The following NRXN3 variants were observed in gnomAD, a reference collection of about 807,000 sequenced individuals.
NRXN3 encodes neurexin III.
NRXN3 carries 32 observed loss-of-function variants against 137.6 expected under a neutral mutation model. That is an observed-to-expected ratio of 0.23 (90% CI 0.18 to 0.31). The LOEUF (loss-of-function observed/expected upper bound fraction) is 0.31. Ranked by LOEUF, NRXN3 falls within the 10% of genes least tolerant of loss-of-function variation. The probability of loss-of-function intolerance (pLI) is 1.00; values close to 1 mark genes in which losing one functional copy is unlikely to be tolerated. For synonymous variants in NRXN3, 798 were observed against 784.5 expected (o/e 1.02, Z -0.29); for missense variants, 1,574 against 2,062.5 (o/e 0.76, Z 4.59).
At chr14:78,991,446 G>T (rs2153079344) in intron 15 of NRXN3, among the ~76,000 whole-genome samples, 1 of 152,342 alleles carries the variant, frequency 6.6e-6, no homozygotes, top group South Asian at 2.1e-4. Flanking sequence ...ATAGGTTAGA[G>T]ATGAAATTTA....
At position 78,387,150 on chromosome 14, in the gene NRXN3, T is replaced by C. The variant is rs537363750; in HGVS notation, c.757+89290T>C. The stretch of plus-strand genomic sequence containing the variant: ...AGCTCACAAGACCAATGTAGTACTT[T>C]ATGTATAACAAATGTCAATAAAATG... On this transcript the variant is annotated intron_variant, in intron 4 of 20. Coordinates refer to ENST00000335750, the MANE Select transcript of NRXN3 (RefSeq NM_001330195.2). 3.9e-5 allele frequency among the ~76,000 whole-genome samples: 6 copies of C among 152,320 alleles called. No individual in the cohort carries two copies. The East Asian group carries it at 9.7e-4, about 25-fold the overall frequency.
chr14:79,713,478 G>GTATATA (rs76633474), intron 19 of NRXN3, among the ~76,000 whole-genome samples: 8,595 of 135,198 alleles, frequency 0.064, 280 homozygotes, highest in South Asian at 0.093. Flanking sequence ...TATATATAAT[G>GTATATA]TATATATATA....
At chr14:79,417,871 A>AT (rs974811074) in intron 15 of NRXN3, among the ~76,000 whole-genome samples, 1 of 151,748 alleles carries the variant, frequency 6.6e-6, no homozygotes, top group African/African-American at 2.4e-5. Flanking sequence ...TAGAAGCCTT[A>AT]TTTTTTTGCC....
chr14:78,720,362 G>A (rs2098454131), intron 8 of NRXN3, among the ~76,000 whole-genome samples: 1 of 152,146 alleles, frequency 6.6e-6, no homozygotes, highest in South Asian at 2.1e-4. Context: ...TAATCAGATA[G>A]GTTGAAATTC....
rs913585994 is a variant in NRXN3 at position 78,243,375 on chromosome 14, C to T, written c.282C>T (p.Ala94=). 29 of 1,564,040 alleles carry T rather than the reference C, an allele frequency of 1.9e-5. 1 individual carries two copies. The East Asian group carries it at 1.9e-4, about 10-fold the overall frequency. Residue 94 remains alanine (A), a synonymous_variant, in exon 2 of 21, where the codon GCC becomes GCT. Coordinates refer to ENST00000335750, the MANE Select transcript of NRXN3 (RefSeq NM_001330195.2). The surrounding 1 kb of genome is among the most constrained non-coding windows in gnomAD (Gnocchi z 4.2). ...RVQLRFSMDC[A]ETAVLSNKQV... ...AGCTCCGCTTCAGCATGGACTGTGC[C>T]GAGACTGCCGTGCTGTCCAACAAGC...
chr14:78,623,617 A>C (rs2097426694), intron 4 of NRXN3, among the ~76,000 whole-genome samples: 1 of 152,084 alleles, frequency 6.6e-6, no homozygotes, highest in Non-Finnish European at 1.5e-5. Flanking sequence ...CCCAGGCTGG[A>C]GTGCAGTGGC....
chr14:78,692,231 T>G (rs1428155678), intron 6 of NRXN3, among the ~76,000 whole-genome samples: 3 of 152,180 alleles, frequency 2.0e-5, no homozygotes, highest in African/African-American at 4.8e-5. Context: ...TAGGTTTTTC[T>G]GTGGTCTTGA....
rs777955968 is a variant in NRXN3 at position 79,663,781 on chromosome 14, C to G, written c.3448C>G (p.Gln1150Glu). The change falls in exon 17 of 21, where the codon CAG (glutamine) becomes GAG (glutamate). Residue 1150 changes from glutamine to glutamate, a missense_variant. Coordinates refer to ENST00000335750, the MANE Select transcript of NRXN3 (RefSeq NM_001330195.2). Reference sequence around the variant, plus strand: ...CTTTTGTGTTTCTTTATTATAGGAACAGGGGAAAATTGGAGTTGTCTTCAA... The same window carrying G: ...CTTTTGTGTTTCTTTATTATAGGAAGAGGGGAAAATTGGAGTTGTCTTCAA... The part of the protein sequence containing the change: ...LGDFLQLHIE[Q>E]GKIGVVFNIG... 1 of 1,612,388 alleles carries G rather than the reference C, an allele frequency of 6.2e-7. No individual in the cohort carries two copies. Among genetic ancestry groups the G allele is most frequent in the Non-Finnish European group, 8.5e-7 (1 of 1,179,140 alleles).
At chr14:79,005,584 T>C (rs2099550689) in intron 15 of NRXN3, among the ~76,000 whole-genome samples, 1 of 152,210 alleles carries the variant, frequency 6.6e-6, no homozygotes, top group African/African-American at 2.4e-5. Context: ...TCTCCAAACA[T>C]AACATTCCAT....
chr14:78,303,682 A>T (rs1280753924), intron 4 of NRXN3, among the ~76,000 whole-genome samples: 1 of 151,882 alleles, frequency 6.6e-6, no homozygotes, highest in Non-Finnish European at 1.5e-5. Context: ...TTGCATCCAC[A>T]CTGCATTCTC....
intron 16 of NRXN3, among the ~76,000 whole-genome samples, chr14:79,621,450 C>A (rs73327943): frequency 0.014 from 2,112 of 152,254 alleles, 45 homozygotes; most frequent in African/African-American, 0.048. Context: ...CTTTATGAGT[C>A]CTTTGCCAGA....
chr14:78,473,124 C>G (rs74328091), intron 4 of NRXN3, among the ~76,000 whole-genome samples: 8 of 151,864 alleles, frequency 5.3e-5, no homozygotes, highest in Non-Finnish European at 1.2e-4. Flanking sequence ...CCTTTCTGGC[C>G]GGGCGTGGTG....
At chr14:78,952,569 G>A (rs1354775738) in intron 10 of NRXN3, among the ~76,000 whole-genome samples, 1 of 152,096 alleles carries the variant, frequency 6.6e-6, no homozygotes, top group African/African-American at 2.4e-5. Context: ...TGGAAGCAAA[G>A]GTAAGTTTTC....
intron 4 of NRXN3, among the ~76,000 whole-genome samples, chr14:78,583,940 A>T (rs1022840916): frequency 1.3e-5 from 2 of 152,146 alleles, no homozygotes; most frequent in African/African-American, 4.8e-5. Context: ...AGTGTTTCTT[A>T]TGTGCCAGCC....
intron 15 of NRXN3, among the ~76,000 whole-genome samples, chr14:79,030,526 CTT>C (rs545375549): frequency 1.0e-4 from 15 of 150,548 alleles, no homozygotes; most frequent in Non-Finnish European, 2.1e-4. Flanking sequence ...ACAATTCAAT[CTT>C]TTTTATTTGT....
chr14:79,367,176 G>C (rs1053318641), intron 15 of NRXN3, among the ~76,000 whole-genome samples: 26 of 151,910 alleles, frequency 1.7e-4, no homozygotes, highest in African/African-American at 6.0e-4. Context: ...GTAGAGACAG[G>C]GTTTTACTGT....
At chr14:79,672,144 G>A (rs1226720114) in intron 17 of NRXN3, among the ~76,000 whole-genome samples, 2 of 152,012 alleles carry the variant, frequency 1.3e-5, no homozygotes, top group Non-Finnish European at 2.9e-5. Context: ...TAATTTTGCT[G>A]CAACCCTCTG....
At chr14:79,723,853 G>A (rs1378230556) in intron 19 of NRXN3, among the ~76,000 whole-genome samples, 1 of 152,030 alleles carries the variant, frequency 6.6e-6, no homozygotes. Context: ...GCAATCAGTG[G>A]AGCTGACAAG....
chr14:78,644,724 C>G (rs766843913), intron 4 of NRXN3, among the ~76,000 whole-genome samples: 21 of 152,158 alleles, frequency 1.4e-4, no homozygotes, highest in Non-Finnish European at 8.8e-5. Flanking sequence ...AGTCCTTTGT[C>G]AGAACAGTTA....
Sources: allele counts gnomAD v4.1 joint callset (sites outside exome capture counted in the v4.1 genomes callset), GRCh38; gene constraint gnomAD v4.1.1; non-coding constraint Gnocchi (gnomAD v3.1); transcripts MANE v1.5; gene names NCBI Gene and HGNC (gene_info 2026-07-23, HGNC 2026-07-21).